The following RASGRP2 variants were observed in gnomAD, a reference collection of about 807,000 sequenced individuals.
The protein encoded by RASGRP2 is RAS guanyl-releasing protein 2.
A neutral mutation model predicts 71.0 loss-of-function variants in RASGRP2; 44 were observed. The observed-to-expected ratio is 0.62, with a 90% CI of 0.49 to 0.80. The LOEUF (loss-of-function observed/expected upper bound fraction) is 0.80, where lower values mean the gene tolerates loss of function less well. Among genes scored for constraint, RASGRP2 ranks in the 30% least tolerant of loss-of-function variants. RASGRP2 has a pLI of 0.00. For missense variants in RASGRP2, 663 were observed against 813.4 expected (o/e 0.82, Z 2.25); for synonymous variants, 350 against 330.7 (o/e 1.06, Z -0.63).
rs1222254844 is a variant in RASGRP2 at position 64,743,165 on chromosome 11, G to A, written c.-71-228C>T. ...CCACCCTCGGAGTCGCGGGAAGGCCGAGGGGCTTCACGAGGATGGGGACGA... is the reference window on the plus strand; with the variant it reads ...CCACCCTCGGAGTCGCGGGAAGGCCAAGGGGCTTCACGAGGATGGGGACGA... On this transcript the variant is annotated intron_variant, in intron 1 of 16. Coordinates refer to ENST00000394432, the MANE Select transcript of RASGRP2 (RefSeq NM_001098671.2). This position sits in a 1 kb window ranked among gnomAD's most constrained non-coding sequence, Gnocchi z 4.9. 2 of 611,656 alleles carry A rather than the reference G, an allele frequency of 3.3e-6. No homozygotes were observed. Among genetic ancestry groups the A allele is most frequent in the South Asian group, 1.5e-5 (1 of 65,962 alleles). The allele number at this position is 611,656 out of a possible 1,614,324, so 37.9% of individuals were successfully genotyped here.
intron 4 of RASGRP2, 103 bp downstream of exon 4, chr11:64,741,336 A>C: frequency 1.5e-6 from 2 of 1,327,822 alleles, no homozygotes. Flanking sequence ...CCAGGGTTCA[A>C]ACCCACTCCC....
chr11:64,730,346 GT>G, intron 12 of RASGRP2, 152 bp from the exon 13 acceptor site: 1 of 984,232 alleles, frequency 1.0e-6, no homozygotes, highest in Non-Finnish European at 1.5e-6. Flanking sequence ...TGGACTAGGG[GT>G]CAGGCAGATG....
intron 5 of RASGRP2, chr11:64,740,625 T>C: frequency 1.5e-6 from 1 of 651,058 alleles, no homozygotes; most frequent in Non-Finnish European, 2.8e-6. Flanking sequence ...CTGAACTGAG[T>C]CTTGGTAACA....
intron 15 of RASGRP2, among the ~76,000 whole-genome samples, chr11:64,728,110 A>G (rs930566692): frequency 9.2e-5 from 14 of 152,168 alleles, no homozygotes; most frequent in Admixed American, 9.2e-4. Context: ...CAAAATAATC[A>G]TTTGGCCAGT....
chr11:64,727,459 C>T, intron 15 of RASGRP2, 99 bp from the exon 16 acceptor site: 3 of 1,067,616 alleles, frequency 2.8e-6, no homozygotes, highest in Admixed American at 3.7e-5. Context: ...ATCCCAGAAG[C>T]AGACCCACCC....
chr11:64,735,037 A>T lies in RASGRP2; in HGVS notation c.1412+75T>A. On this transcript the variant is annotated intron_variant, in intron 12 of 16. Transcript: ENST00000394432. The surrounding 1 kb of genome is among the most constrained non-coding windows in gnomAD (Gnocchi z 4.2). ...ATCTGGCTCAGTGACCTCATCTTGC[A>T]CACAAGAAACTGAAGCCCAGGCAGA... is the stretch of plus-strand genomic sequence containing the variant. 8.5e-7 allele frequency: 1 copy of T among 1,171,162 alleles called. No homozygotes were observed. The highest frequency in any genetic ancestry group is 1.3e-6 in the Non-Finnish European group (1 of 776,910). 72.5% of individuals were successfully genotyped at this position (1,171,162 alleles called of 1,614,324 possible).
chr11:64,730,081 G>A lies in RASGRP2; in HGVS notation c.1526C>T (p.Pro509Leu), dbSNP rs2057714317. 4.5e-6 allele frequency: 7 copies of A among 1,550,204 alleles called. No homozygotes were observed. The highest frequency in any genetic ancestry group is 5.2e-6 in the Non-Finnish European group (6 of 1,147,398). Reference protein sequence around the residue: ...HNFQESNSLRPVACRHCKALI... With the variant: ...HNFQESNSLRLVACRHCKALI... ...GGCTTTGCAGTGGCGGCAGGCGACG[G>A]GGCGCAAGGAGTTGCTCTCCTGGAA... The change falls in exon 13 of 17, where the codon CCC becomes CTC. Residue 509 changes from proline to leucine, a missense_variant. Transcript: ENST00000394432.
In RASGRP2 at chr11:64,727,032, C is replaced by T; in HGVS notation, c.*106G>A. On this transcript the variant is annotated 3_prime_UTR_variant, in exon 17 of 17. Transcript: ENST00000394432. ...CTCAGCTGCATGCCACCCTCATATC[C>T]CACCCCCATCCCCAGCCTCCTGCCC... is the stretch of plus-strand genomic sequence containing the variant. 1 of 440,118 alleles carries T rather than the reference C, an allele frequency of 2.3e-6. No individual in the cohort carries two copies. The highest frequency in any genetic ancestry group is 2.0e-5 in the South Asian group (1 of 48,916). 27.3% of individuals were successfully genotyped at this position (440,118 alleles called of 1,614,324 possible). A position where few individuals can be genotyped will look rare whatever the true frequency, so the allele number is the denominator to read the frequency against.
chr11:64,742,659 G>C lies in RASGRP2; in HGVS notation c.73+135C>G, dbSNP rs1301624671. ...GCCCTGCGTTGCGGAGGAGGCTTTCGTTAAAGAGACTGCACGCTGCGGAGC... is the reference window on the plus strand; with the variant it reads ...GCCCTGCGTTGCGGAGGAGGCTTTCCTTAAAGAGACTGCACGCTGCGGAGC... On this transcript the variant is annotated intron_variant, in intron 2 of 16. Coordinates refer to ENST00000394432, the MANE Select transcript of RASGRP2 (RefSeq NM_001098671.2). The surrounding 1 kb of genome is among the most constrained non-coding windows in gnomAD (Gnocchi z 4.7). 8.2e-7 allele frequency: 1 copy of C among 1,223,276 alleles called. No individual in the cohort carries two copies. The highest frequency in any genetic ancestry group is 1.2e-6 in the Non-Finnish European group (1 of 860,416). 75.8% of individuals were successfully genotyped at this position (1,223,276 alleles called of 1,614,324 possible).
At position 64,729,804 on chromosome 11, in the gene RASGRP2, A is replaced by G. The variant is rs376412528; in HGVS notation, c.1555-6T>C. 1.2e-6 allele frequency: 2 copies of G among 1,613,918 alleles called. No individual in the cohort carries two copies. The highest frequency in any genetic ancestry group is 1.7e-6 in the Non-Finnish European group (2 of 1,179,948). ...TGCTTGTAGATGCCCAGGATCTGCA[A>G]TAGAGGAGGGGCCGTGGTGGGAGGA... On this transcript the variant is annotated splice_region_variant and splice_polypyrimidine_tract_variant and intron_variant, in intron 13 of 16. Coordinates refer to ENST00000394432, the MANE Select transcript of RASGRP2 (RefSeq NM_001098671.2).
chr11:64,734,403 T>A (rs968772101), intron 12 of RASGRP2, among the ~76,000 whole-genome samples: 10 of 151,960 alleles, frequency 6.6e-5, no homozygotes, highest in Non-Finnish European at 1.0e-4. Context: ...TCCTGCCAAC[T>A]CAGTCTCCCA....
At position 64,735,889 on chromosome 11, in the gene RASGRP2, G is replaced by C; in HGVS notation, c.1173+14C>G. The C allele has an allele frequency of 6.2e-7, 1 of 1,610,282 alleles. No homozygotes were observed. The highest frequency in any genetic ancestry group is 1.1e-5 in the South Asian group (1 of 90,754). ...AGGGAAGGGCAGAGTGGAGAGGAGGGAGTACCCCCTCACCGAGGACTTGGA... is the reference window on the plus strand; with the variant it reads ...AGGGAAGGGCAGAGTGGAGAGGAGGCAGTACCCCCTCACCGAGGACTTGGA... On this transcript the variant is annotated intron_variant, in intron 10 of 16. Coordinates refer to ENST00000394432, the MANE Select transcript of RASGRP2 (RefSeq NM_001098671.2). This position sits in a 1 kb window ranked among gnomAD's most constrained non-coding sequence, Gnocchi z 4.2.
intron 9 of RASGRP2, 141 bp downstream of exon 9, chr11:64,736,612 C>T: frequency 4.3e-6 from 4 of 919,906 alleles, no homozygotes; most frequent in Non-Finnish European, 6.5e-6. Context: ...TCTCAGCATC[C>T]ACTCCAAACC....
rs1197350576 is a variant in RASGRP2, at chr11:64,742,855, G to T, written c.12C>A (p.Thr4=). The change falls in exon 2 of 17, where the codon ACC becomes ACA. Residue 4 remains threonine (T), a synonymous_variant. Transcript: ENST00000394432. The surrounding 1 kb of genome is among the most constrained non-coding windows in gnomAD (Gnocchi z 4.7). MAG[T]LDLDKGCTVE... ...CCGTGCAGCCCTTGTCCAGGTCCAGGGTGCCTGCCATGGCCGCCGGCGCGG... is the reference window on the plus strand; with the variant it reads ...CCGTGCAGCCCTTGTCCAGGTCCAGTGTGCCTGCCATGGCCGCCGGCGCGG... 1 of 1,601,366 alleles carries T rather than the reference G, an allele frequency of 6.2e-7. No individual in the cohort carries two copies.
In RASGRP2 at chr11:64,741,504, G is replaced by A. The variant is rs1178731293; in HGVS notation, c.177-3C>T. On this transcript the variant is annotated splice_polypyrimidine_tract_variant and splice_region_variant and intron_variant, in intron 3 of 16. Coordinates refer to ENST00000394432, the MANE Select transcript of RASGRP2 (RefSeq NM_001098671.2). ...TGTCCTTCCGGGATTGTTGGTAGGT[G>A]AAGGAGAGGGTTAAGGAGGCCGCTT... The A allele has an allele frequency of 6.3e-7, 1 of 1,576,736 alleles. No individual in the cohort carries two copies. Among genetic ancestry groups the A allele is most frequent in the East Asian group, 2.3e-5 (1 of 43,590 alleles).
rs753035475 is a variant in RASGRP2 at position 64,735,529 on chromosome 11, C to T, written c.1296+13G>A. 2.9e-5 allele frequency: 46 copies of T among 1,613,782 alleles called. No homozygotes were observed. Among genetic ancestry groups the T allele is most frequent in the Admixed American group, 1.7e-4 (10 of 60,014 alleles). ...CTCTCCCCACACACTGCTCAGGCTCCGCAGGAGCTCACCTCCACCATCTTC... is the reference window on the plus strand; with the variant it reads ...CTCTCCCCACACACTGCTCAGGCTCTGCAGGAGCTCACCTCCACCATCTTC... On this transcript the variant is annotated intron_variant, in intron 11 of 16. Coordinates refer to ENST00000394432, the MANE Select transcript of RASGRP2 (RefSeq NM_001098671.2). This position sits in a 1 kb window ranked among gnomAD's most constrained non-coding sequence, Gnocchi z 4.2.
intron 12 of RASGRP2, among the ~76,000 whole-genome samples, chr11:64,730,409 G>A (rs2057728018): frequency 6.7e-6 from 1 of 148,804 alleles, no homozygotes; most frequent in South Asian, 2.2e-4. Context: ...CTTTCCCTGG[G>A]TTCCTTCTCA....
At chr11:64,738,953 T>A (rs1397862208) in intron 8 of RASGRP2, among the ~76,000 whole-genome samples, 3 of 87,398 alleles carry the variant, frequency 3.4e-5, no homozygotes, top group Admixed American at 1.2e-4. Flanking sequence ...CAAAACCCCA[T>A]CTCTAAAAAA....
Position 64,735,721 on chromosome 11 carries a change from G to A in RASGRP2, c.1174-57C>T, listed in dbSNP as rs145404112. On this transcript the variant is annotated intron_variant, in intron 10 of 16. Transcript: ENST00000394432. The surrounding 1 kb of genome is among the most constrained non-coding windows in gnomAD (Gnocchi z 4.2). ...AGAGGCAGGGGAAGCCCAGAGCCCCGGGGAACAGAGAGGGGAATCCCTGGG... is the reference window on the plus strand; with the variant it reads ...AGAGGCAGGGGAAGCCCAGAGCCCCAGGGAACAGAGAGGGGAATCCCTGGG... The A allele has an allele frequency of 1.1e-3, 1,755 of 1,569,844 alleles. 12 individuals are homozygous for A. In the African/African-American group the frequency reaches 0.019, roughly 17 times the overall value.
Sources: allele counts gnomAD v4.1 joint callset (sites outside exome capture counted in the v4.1 genomes callset), GRCh38; gene constraint gnomAD v4.1.1; non-coding constraint Gnocchi (gnomAD v3.1); transcripts MANE v1.5; gene names NCBI Gene and HGNC (gene_info 2026-07-23, HGNC 2026-07-21).